Variants in SKAP1 observed in about 807,000 individuals in gnomAD.
SKAP1 encodes src kinase associated phosphoprotein 1.
In SKAP1, 44 loss-of-function variants were observed where a neutral mutation model predicts 58.5. That is an observed-to-expected ratio of 0.75 (90% CI 0.59 to 0.97). SKAP1 has a LOEUF of 0.97. SKAP1 is among the 50% of genes least tolerant of loss of function. SKAP1 has a pLI of 0.00. For missense variants in SKAP1, 390 were observed against 435.2 expected (o/e 0.90, Z 0.92); for synonymous variants, 127 against 149.7 (o/e 0.85, Z 1.11).
At chr17:48,429,113 C>T (rs2067884260) in intron 1 of SKAP1, among the ~76,000 whole-genome samples, 1 of 152,098 alleles carries the variant, frequency 6.6e-6, no homozygotes. Context: ...ATGACCTGCC[C>T]AAAGCAGGCC....
chr17:48,423,556 A>G (rs2144617191), intron 1 of SKAP1, among the ~76,000 whole-genome samples: 1 of 152,274 alleles, frequency 6.6e-6, no homozygotes, highest in East Asian at 1.9e-4. Flanking sequence ...AGCAGCTGAA[A>G]TGTCGCTAGC....
Position 48,348,467 on chromosome 17 carries a change from T to A in SKAP1, c.179-2461A>T, listed in dbSNP as rs149523379. Among the ~76,000 whole-genome samples the A allele has an allele frequency of 4.3e-4, 66 of 152,020 alleles. 1 individual carries two copies. The East Asian group carries it at 0.012, about 28-fold the overall frequency. On this transcript the variant is annotated intron_variant, in intron 3 of 12. Transcript: ENST00000336915. The stretch of plus-strand genomic sequence containing the variant: ...TTTTAGTGAACTTTTTATTTTGGAA[T>A]AATTTTAGATTTATGTAAGTGTTGC...
chr17:48,250,705 T>G (rs2065354438), intron 4 of SKAP1, among the ~76,000 whole-genome samples: 1 of 152,216 alleles, frequency 6.6e-6, no homozygotes. Flanking sequence ...AATAATTCTT[T>G]ATTTTTATAA....
chr17:48,147,044 C>A lies in SKAP1; in HGVS notation c.979-9707G>T, dbSNP rs567916575. On this transcript the variant is annotated intron_variant, in intron 11 of 12. Coordinates refer to ENST00000336915, the MANE Select transcript of SKAP1 (RefSeq NM_003726.4). ...TCAGTTCCCTGGATAAAGCTCCTAA[C>A]AGAAACATTCTCTTTTCACATTGAA... is the stretch of plus-strand genomic sequence containing the variant. Among the ~76,000 whole-genome samples, 15 of 152,330 alleles carry A rather than the reference C, an allele frequency of 9.8e-5. No individual in the cohort carries two copies. In the East Asian group the frequency reaches 2.9e-3, roughly 29 times the overall value.
At chr17:48,265,439 A>T (rs1325700529) in intron 4 of SKAP1, among the ~76,000 whole-genome samples, 2 of 151,614 alleles carry the variant, frequency 1.3e-5, no homozygotes, top group African/African-American at 4.9e-5. Flanking sequence ...TGGGAGGCGG[A>T]GGTTGCAGTG....
intron 4 of SKAP1, among the ~76,000 whole-genome samples, chr17:48,254,774 A>G (rs2065404643): frequency 6.6e-6 from 1 of 151,774 alleles, no homozygotes; most frequent in Non-Finnish European, 1.5e-5. Context: ...ATTCTCTTAT[A>G]CTTCTGTCAC....
intron 4 of SKAP1, among the ~76,000 whole-genome samples, chr17:48,230,407 A>T (rs919750788): frequency 2.0e-5 from 3 of 152,164 alleles, no homozygotes. Flanking sequence ...GAGAGGGAAG[A>T]TCATGCCTGG....
intron 4 of SKAP1, among the ~76,000 whole-genome samples, chr17:48,261,849 A>C (rs967935807): frequency 7.0e-6 from 1 of 141,850 alleles, no homozygotes; most frequent in Non-Finnish European, 1.5e-5. Flanking sequence ...CAATGAAAGA[A>C]TATTGAAAAA....
chr17:48,327,288 A>T (rs1442102211), intron 4 of SKAP1, among the ~76,000 whole-genome samples: 1 of 152,234 alleles, frequency 6.6e-6, no homozygotes, highest in African/African-American at 2.4e-5. Context: ...ATTTTTAAAA[A>T]TTTTAAATAT....
intron 4 of SKAP1, chr17:48,196,532 T>C (rs1170998559): frequency 6.6e-6 from 1 of 152,152 alleles, no homozygotes; most frequent in East Asian, 1.9e-4. Context: ...CCAATAATAG[T>C]TTTTCAACCC....
Position 48,249,519 on chromosome 17 carries a change from A to T in SKAP1, c.281-60019T>A, listed in dbSNP as rs145645980. 1.9e-3 allele frequency among the ~76,000 whole-genome samples: 282 copies of T among 152,102 alleles called. 1 individual carries two copies. Among genetic ancestry groups the T allele is most frequent in the African/African-American group, 6.5e-3 (270 of 41,508 alleles). On this transcript the variant is annotated intron_variant, in intron 4 of 12. Coordinates refer to ENST00000336915, the MANE Select transcript of SKAP1 (RefSeq NM_003726.4). ...GAAACCCTGTCTCTACCAAAAATAC[A>T]AAAAATTAGCTGGGCCTGGTGGCGT...
At chr17:48,284,515 G>A (rs1448525651) in intron 4 of SKAP1, among the ~76,000 whole-genome samples, 1 of 152,178 alleles carries the variant, frequency 6.6e-6, no homozygotes, top group African/African-American at 2.4e-5. Flanking sequence ...TTGGATATGA[G>A]TACACAGGTG....
chr17:48,183,150 A>G (rs1311839004), intron 7 of SKAP1, among the ~76,000 whole-genome samples: 1 of 152,192 alleles, frequency 6.6e-6, no homozygotes, highest in Non-Finnish European at 1.5e-5. Flanking sequence ...TATCAGCTCT[A>G]GCAAAAGGAG....
intron 4 of SKAP1, among the ~76,000 whole-genome samples, chr17:48,314,666 G>T (rs373677884): frequency 6.6e-6 from 1 of 152,098 alleles, no homozygotes; most frequent in Admixed American, 6.5e-5. Context: ...AGGCTGGAAG[G>T]TTCCCACAAT....
At chr17:48,294,666 T>G (rs2065941173) in intron 4 of SKAP1, among the ~76,000 whole-genome samples, 1 of 152,154 alleles carries the variant, frequency 6.6e-6, no homozygotes, top group Non-Finnish European at 1.5e-5. Context: ...TTATGACATG[T>G]TATACACATA....
Position 48,345,901 on chromosome 17 carries a change from T to A in SKAP1, c.280+4A>T. 1 of 1,602,768 alleles carries A rather than the reference T, an allele frequency of 6.2e-7. No homozygotes were observed. Among genetic ancestry groups the A allele is most frequent in the Non-Finnish European group, 8.5e-7 (1 of 1,170,162 alleles). ...CACCCAAAATCCAGAAGGATAACACTCACCCTCATCCTGATAATCTGACAA... is the reference window on the plus strand; with the variant it reads ...CACCCAAAATCCAGAAGGATAACACACACCCTCATCCTGATAATCTGACAA... On this transcript the variant is annotated splice_donor_region_variant and intron_variant, in intron 4 of 12. Coordinates refer to ENST00000336915, the MANE Select transcript of SKAP1 (RefSeq NM_003726.4).
At chr17:48,384,106 G>A (rs766165332) in intron 2 of SKAP1, among the ~76,000 whole-genome samples, 14 of 152,152 alleles carry the variant, frequency 9.2e-5, no homozygotes, top group Admixed American at 2.6e-4. Flanking sequence ...AGAGACTGGA[G>A]GCAGAGAACC....
chr17:48,149,158 A>G (rs1288767082), intron 11 of SKAP1, among the ~76,000 whole-genome samples: 2 of 152,194 alleles, frequency 1.3e-5, no homozygotes, highest in Non-Finnish European at 2.9e-5. Flanking sequence ...ATTCAGGACA[A>G]GTATACATTT....
chr17:48,249,954 A>G (rs531448021), intron 4 of SKAP1, among the ~76,000 whole-genome samples: 3 of 151,692 alleles, frequency 2.0e-5, no homozygotes, highest in African/African-American at 7.2e-5. Context: ...GTTTAGGAGC[A>G]TTTTCTAAAG....
Sources: allele counts gnomAD v4.1 joint callset (sites outside exome capture counted in the v4.1 genomes callset), GRCh38; gene constraint gnomAD v4.1.1; transcripts MANE v1.5; gene names NCBI Gene and HGNC (gene_info 2026-07-23, HGNC 2026-07-21).